ABTB2: variants seen among roughly 807,000 people sequenced by gnomAD.
ABTB2 encodes ankyrin repeat and BTB/POZ domain-containing protein 2.
ABTB2 carries 56 observed loss-of-function variants against 104.1 expected under a neutral mutation model. That is an observed-to-expected ratio of 0.54 (90% CI 0.43 to 0.67). ABTB2 has a LOEUF of 0.67. Ranked by LOEUF, ABTB2 falls within the 30% of genes least tolerant of loss-of-function variation. The pLI, the probability that ABTB2 is intolerant of heterozygous loss-of-function variation, is 0.00. For missense variants in ABTB2, 1,279 were observed against 1,407.7 expected, an observed-to-expected ratio of 0.91 and a Z score of 1.46; for synonymous variants, 606 against 608.2, an observed-to-expected ratio of 1.00 and a Z score of 0.05.
chr11:34,335,112 C>T (rs538678749), intron 1 of ABTB2: 77 of 1,161,148 alleles, frequency 6.6e-5, no homozygotes, highest in Non-Finnish European at 9.2e-5. Context: ...TGGACATTTC[C>T]GCTAATTTCC....
chr11:34,327,098 T>C (rs1855078566), intron 1 of ABTB2, among the ~76,000 whole-genome samples: 1 of 152,034 alleles, frequency 6.6e-6, no homozygotes, highest in Admixed American at 6.6e-5. Context: ...GAAAAAAACA[T>C]ACCAGTTAGG....
At chr11:34,277,601 T>G (rs1325683654) in intron 1 of ABTB2, among the ~76,000 whole-genome samples, 1 of 74 alleles carries the variant, frequency 0.014, no homozygotes, top group African/African-American at 0.05. Flanking sequence ...CTGGCCAATA[T>G]GGTGAACCCC....
intron 1 of ABTB2, among the ~76,000 whole-genome samples, chr11:34,219,843 C>T (rs1003045721): frequency 9.2e-5 from 14 of 152,184 alleles, no homozygotes; most frequent in Non-Finnish European, 8.8e-5. Flanking sequence ...GAACCTATCC[C>T]TGTCATTAAG....
At chr11:34,190,018 T>A (rs1590211623) in intron 3 of ABTB2, among the ~76,000 whole-genome samples, 1 of 152,210 alleles carries the variant, frequency 6.6e-6, no homozygotes, top group Middle Eastern at 3.4e-3. Flanking sequence ...GGAAGGTGGA[T>A]CACTTGAGGA....
intron 1 of ABTB2, among the ~76,000 whole-genome samples, chr11:34,223,639 G>A (rs1853653308): frequency 6.6e-6 from 1 of 152,204 alleles, no homozygotes; most frequent in Admixed American, 6.5e-5. Context: ...CTTGCAGGCA[G>A]CAGGCCTGGG....
intron 1 of ABTB2, among the ~76,000 whole-genome samples, chr11:34,233,924 TTTTCAGGTCAGTGTG>T: frequency 6.6e-6 from 1 of 152,190 alleles, no homozygotes; most frequent in Non-Finnish European, 1.5e-5. Flanking sequence ...TGTGGACATC[TTTTCAGGTCAGTGTG>T]TTTGGATATA....
At chr11:34,274,691 T>C (rs1353742476) in intron 1 of ABTB2, among the ~76,000 whole-genome samples, 2 of 151,896 alleles carry the variant, frequency 1.3e-5, no homozygotes, top group African/African-American at 4.8e-5. Context: ...GCCAAGAAGA[T>C]ATCATTGTGT....
intron 1 of ABTB2, among the ~76,000 whole-genome samples, chr11:34,306,831 A>G (rs1178590185): frequency 2.6e-5 from 4 of 152,064 alleles, no homozygotes; most frequent in Non-Finnish European, 5.9e-5. Context: ...GAATTCTTCA[A>G]AGAAGTTATT....
intron 1 of ABTB2, among the ~76,000 whole-genome samples, chr11:34,260,298 C>G (rs1357587374): frequency 6.6e-6 from 1 of 152,174 alleles, no homozygotes; most frequent in Admixed American, 6.5e-5. Flanking sequence ...CAGGGAGAAG[C>G]AAGCTGAATA....
chr11:34,223,004 T>A (rs1853643647), intron 1 of ABTB2, among the ~76,000 whole-genome samples: 1 of 152,156 alleles, frequency 6.6e-6, no homozygotes, highest in Admixed American at 6.5e-5. Flanking sequence ...AATGTGACCC[T>A]GTGTATTTAA....
intron 1 of ABTB2, among the ~76,000 whole-genome samples, chr11:34,271,746 C>T (rs571171887): frequency 8.8e-6 from 1 of 113,038 alleles, no homozygotes; most frequent in Non-Finnish European, 1.9e-5. Context: ...TACATACATA[C>T]ATACATACAT....
chr11:34,274,732 G>A (rs893079735), intron 1 of ABTB2, among the ~76,000 whole-genome samples: 4 of 152,042 alleles, frequency 2.6e-5, no homozygotes, highest in Non-Finnish European at 5.9e-5. Flanking sequence ...CAGACCAATG[G>A]TTCTGCAGAA....
chr11:34,161,115 A>G (rs1590202475), intron 10 of ABTB2, 34 bp from the exon 11 acceptor site: 3 of 1,567,766 alleles, frequency 1.9e-6, no homozygotes, highest in Non-Finnish European at 1.7e-6. Flanking sequence ...GCAGTCACGC[A>G]CCACAGCTGA....
intron 1 of ABTB2, among the ~76,000 whole-genome samples, chr11:34,248,088 A>ATTTTTTTTTTTTTTTTTTTTTTTTTT (rs377220875): frequency 1.3e-5 from 1 of 78,376 alleles, no homozygotes; most frequent in African/African-American, 7.1e-5. Context: ...CTTATCTATA[A>ATTTTTTTTTTTTTTTTTTTTTTTTTT]TTTTTCTTAA....
At chr11:34,293,865 C>T (rs1267571077) in intron 1 of ABTB2, among the ~76,000 whole-genome samples, 1 of 152,106 alleles carries the variant, frequency 6.6e-6, no homozygotes, top group Non-Finnish European at 1.5e-5. Flanking sequence ...GCTGGGACTA[C>T]AGGTGCATGC....
chr11:34,314,715 A>G (rs1718613358), intron 1 of ABTB2, among the ~76,000 whole-genome samples: 1 of 152,176 alleles, frequency 6.6e-6, no homozygotes, highest in Admixed American at 6.5e-5. Context: ...ATCCTCTTAG[A>G]AGGACTGGCT....
At chr11:34,237,840 G>A (rs1044939879) in intron 1 of ABTB2, among the ~76,000 whole-genome samples, 1 of 152,176 alleles carries the variant, frequency 6.6e-6, no homozygotes, top group Non-Finnish European at 1.5e-5. Context: ...GGAAGTTGCA[G>A]TGGGCCGAGA....
At chr11:34,168,455 C>T (rs923919127) in intron 5 of ABTB2, among the ~76,000 whole-genome samples, 2 of 152,218 alleles carry the variant, frequency 1.3e-5, no homozygotes, top group African/African-American at 2.4e-5. Flanking sequence ...ACCAACAACA[C>T]TCTCATGGCT....
chr11:34,182,574 G>C (rs1160181487), intron 3 of ABTB2, among the ~76,000 whole-genome samples: 2 of 150,032 alleles, frequency 1.3e-5, no homozygotes, highest in Non-Finnish European at 3.0e-5. Flanking sequence ...AGCTTGCCCA[G>C]ATACACATAG....
Sources: allele counts gnomAD v4.1 joint callset (sites outside exome capture counted in the v4.1 genomes callset), GRCh38; gene constraint gnomAD v4.1.1; transcripts MANE v1.5; gene names NCBI Gene and HGNC (gene_info 2026-07-23, HGNC 2026-07-21).